NPFFR2: variants seen among roughly 807,000 people sequenced by gnomAD.
NPFFR2 encodes the protein G-protein coupled receptor 74.
Under a neutral mutation model 13.1 loss-of-function variants are expected in NPFFR2, and 15 were observed. That is an observed-to-expected ratio of 1.15 (90% confidence interval 0.77 to 1.76). NPFFR2 has a LOEUF of 1.76. Ranked by LOEUF, NPFFR2 falls within the 40% of genes most tolerant of loss-of-function variation. The pLI is 0.00. For missense variants in NPFFR2, 572 were observed against 503.5 expected (o/e 1.14, Z -1.30); for synonymous variants, 190 against 175.7 (o/e 1.08, Z -0.65).
At position 72,039,216 on chromosome 4, in the gene NPFFR2, G is replaced by A. The variant is rs555611090; in HGVS notation, c.-8+7016G>A. On this transcript the variant is annotated intron_variant, in intron 1 of 3. Transcript: ENST00000308744. Reference sequence around the variant, plus strand: ...TGGGACTACAGGCGCCCGCCACCACGCCTGGCTAATTTTTTTGTATTTTTA... The same window carrying A: ...TGGGACTACAGGCGCCCGCCACCACACCTGGCTAATTTTTTTGTATTTTTA... 482 of 155,372 alleles carry A rather than the reference G, an allele frequency of 3.1e-3. 4 individuals carry two copies. Among genetic ancestry groups the A allele is most frequent in the African/African-American group, 0.011 (446 of 41,562 alleles). 9.6% of individuals were successfully genotyped at this position (155,372 alleles called of 1,614,324 possible).
intron 1 of NPFFR2, chr4:72,068,857 TTATC>T (rs1353467418): frequency 2.8e-5 from 8 of 288,592 alleles, no homozygotes; most frequent in East Asian, 4.0e-5. Context: ...TTTTTTTATC[TTATC>T]TTTTTTCCTG....
At chr4:72,122,892 T>C (rs923717459) in intron 1 of NPFFR2, among the ~76,000 whole-genome samples, 1 of 151,856 alleles carries the variant, frequency 6.6e-6, no homozygotes, top group African/African-American at 2.4e-5. Flanking sequence ...AGACAAGAAA[T>C]AACTAAGATC....
At chr4:72,061,408 G>C (rs1719914643) in intron 1 of NPFFR2, among the ~76,000 whole-genome samples, 1 of 152,112 alleles carries the variant, frequency 6.6e-6, no homozygotes, top group Non-Finnish European at 1.5e-5. Context: ...TAGACAAACT[G>C]ACATAGTGGT....
intron 1 of NPFFR2, among the ~76,000 whole-genome samples, chr4:72,067,515 C>A (rs1046658681): frequency 1.2e-4 from 18 of 152,116 alleles, no homozygotes; most frequent in South Asian, 2.1e-4. Context: ...CTTGGGTATA[C>A]CGTTGGTTTT....
At chr4:72,059,408 A>G (rs953475362) in intron 1 of NPFFR2, among the ~76,000 whole-genome samples, 1 of 152,104 alleles carries the variant, frequency 6.6e-6, no homozygotes, top group African/African-American at 2.4e-5. Context: ...TAAGAGCTGC[A>G]CACCAGATTC....
chr4:72,144,009 A>G (rs569353540), intron 3 of NPFFR2, among the ~76,000 whole-genome samples: 26 of 152,262 alleles, frequency 1.7e-4, no homozygotes, highest in Non-Finnish European at 2.9e-4. Flanking sequence ...AACCACCCCC[A>G]AATCAAACCA....
At chr4:72,079,922 T>C (rs994827281) in intron 1 of NPFFR2, among the ~76,000 whole-genome samples, 1 of 152,132 alleles carries the variant, frequency 6.6e-6, no homozygotes, top group East Asian at 1.9e-4. Context: ...AAAAAATACA[T>C]TTTTGTGCTT....
chr4:72,039,454 T>C, intron 1 of NPFFR2: 1 of 885,606 alleles, frequency 1.1e-6, no homozygotes, highest in Middle Eastern at 5.9e-4. Context: ...TAGATTTTTC[T>C]CTACTCTTAT....
intron 2 of NPFFR2, among the ~76,000 whole-genome samples, chr4:72,135,256 T>C (rs1345388977): frequency 2.0e-5 from 3 of 152,170 alleles, no homozygotes; most frequent in Non-Finnish European, 4.4e-5. Flanking sequence ...TAAGCCTTTT[T>C]ATTTTGTATT....
At chr4:72,100,955 C>A (rs1478132863) in intron 1 of NPFFR2, among the ~76,000 whole-genome samples, 1 of 151,950 alleles carries the variant, frequency 6.6e-6, no homozygotes, top group Non-Finnish European at 1.5e-5. Flanking sequence ...TTTCCATCAT[C>A]ATGGGTTCAT....
chr4:72,095,423 A>C lies in NPFFR2; in HGVS notation c.-7-33162A>C, dbSNP rs141088135. Among the ~76,000 whole-genome samples the C allele has an allele frequency of 4.5e-3, 690 of 152,260 alleles. 3 individuals are homozygous for C. Among genetic ancestry groups the C allele is most frequent in the African/African-American group, 0.016 (661 of 41,540 alleles). On this transcript the variant is annotated intron_variant, in intron 1 of 3. Coordinates refer to ENST00000308744, the MANE Select transcript of NPFFR2 (RefSeq NM_004885.3). ...GTTGCTGTTTTTTGTTGTTGTTTTG[A>C]AAGCCATTTACTAAAGATTTGCAAG...
In NPFFR2 at chr4:72,127,355, C is replaced by CTTTTTTTTTTTTTTTT. The variant is rs1341571145; in HGVS notation, c.-7-1226_-7-1225insTTTTTTTTTTTTTTTT. On this transcript the variant is annotated intron_variant, in intron 1 of 3. Transcript: ENST00000308744. ...AAGTCATACAGATTCTAAATAATTT[C>CTTTTTTTTTTTTTTTT]TTTTCTTTTTTTTTTTTTTTTTTTT... is the stretch of plus-strand genomic sequence containing the variant. 1.9e-3 allele frequency among the ~76,000 whole-genome samples: 177 copies of CTTTTTTTTTTTTTTTT among 91,190 alleles called. 27 individuals are homozygous for CTTTTTTTTTTTTTTTT. Among genetic ancestry groups the CTTTTTTTTTTTTTTTT allele is most frequent in the African/African-American group, 7.9e-3 (171 of 21,706 alleles). 59.8% of individuals were successfully genotyped at this position (91,190 alleles called of 152,430 possible).
chr4:72,055,541 C>T (rs185485631), intron 1 of NPFFR2, among the ~76,000 whole-genome samples: 2 of 152,000 alleles, frequency 1.3e-5, no homozygotes, highest in East Asian at 3.9e-4. Context: ...AATTAATAAC[C>T]CTACAATGGC....
intron 1 of NPFFR2, among the ~76,000 whole-genome samples, chr4:72,052,160 T>C (rs10937998): frequency 0.61 from 18,082 of 29,430 alleles, 7,263 homozygotes; most frequent in Non-Finnish European, 0.92. Flanking sequence ...CCAGCATCAT[T>C]CTGATACCAA....
chr4:72,117,390 T>C (rs1721744061), intron 1 of NPFFR2, among the ~76,000 whole-genome samples: 1 of 152,212 alleles, frequency 6.6e-6, no homozygotes, highest in South Asian at 2.1e-4. Context: ...ATAATCAATT[T>C]TTAAAAATAA....
intron 1 of NPFFR2, among the ~76,000 whole-genome samples, chr4:72,067,253 C>T (rs1013802881): frequency 1.3e-5 from 2 of 152,150 alleles, no homozygotes; most frequent in African/African-American, 4.8e-5. Context: ...ACTTTAGCCA[C>T]CGCTGAAGTG....
At chr4:72,080,499 A>G (rs4420946) in intron 1 of NPFFR2, among the ~76,000 whole-genome samples, 1 of 152,124 alleles carries the variant, frequency 6.6e-6, no homozygotes, top group Non-Finnish European at 1.5e-5. Context: ...AACAAACATT[A>G]TTTATCTTAT....
rs181819744 is a variant in NPFFR2 at position 72,069,534 on chromosome 4, G to T, written c.-8+37334G>T. Among the ~76,000 whole-genome samples, 9 of 152,192 alleles carry T rather than the reference G, an allele frequency of 5.9e-5. No homozygotes were observed. The East Asian group carries it at 1.7e-3, about 29-fold the overall frequency. On this transcript the variant is annotated intron_variant, in intron 1 of 3. Transcript: ENST00000308744. ...TTTTATTAAAATAGGAATCAGACAG[G>T]TATGCCTATGATCACTGCAGATGTT...
chr4:72,066,775 G>A lies in NPFFR2; in HGVS notation c.-8+34575G>A, dbSNP rs2109779669. Among the ~76,000 whole-genome samples the A allele has an allele frequency of 2.6e-5, 4 of 152,252 alleles. No individual in the cohort carries two copies. The South Asian group carries it at 8.3e-4, about 32-fold the overall frequency. On this transcript the variant is annotated intron_variant, in intron 1 of 3. Transcript: ENST00000308744. The stretch of plus-strand genomic sequence containing the variant: ...CATGTCTCACATTCCAGGAACAATG[G>A]GGCAAGGGTTAGGTCCCCAAGGCTC...
Sources: gnomAD v4.1 joint callset for allele counts (sites outside exome capture counted in the v4.1 genomes callset) on GRCh38, gnomAD v4.1.1 for gene constraint, MANE v1.5 for transcripts, NCBI Gene and HGNC (gene_info 2026-07-23, HGNC 2026-07-21) for gene names.